Variants in TMEM108 observed in about 807,000 individuals in gnomAD.
TMEM108 encodes cancer/testis antigen 124.
A neutral mutation model predicts 35.1 loss-of-function variants in TMEM108; 12 were observed. The observed-to-expected ratio is 0.34, with a 90% CI of 0.22 to 0.55. The LOEUF (loss-of-function observed/expected upper bound fraction) is 0.55. Among genes scored for constraint, TMEM108 ranks in the 20% least tolerant of loss-of-function variants. The pLI, the probability that TMEM108 is intolerant of heterozygous loss-of-function variation, is 0.89. For missense variants in TMEM108, 680 were observed against 753.3 expected, an observed-to-expected ratio of 0.90 and a Z score of 1.14; for synonymous variants, 287 against 308.6, an observed-to-expected ratio of 0.93 and a Z score of 0.73.
At chr3:133,049,327 C>G (rs952927989) in intron 2 of TMEM108, among the ~76,000 whole-genome samples, 3 of 152,122 alleles carry the variant, frequency 2.0e-5, no homozygotes, top group East Asian at 1.9e-4. Context: ...CTTCATTGCA[C>G]TAGCCACATT....
At chr3:133,269,848 G>A (rs894836035) in intron 3 of TMEM108, among the ~76,000 whole-genome samples, 4 of 152,060 alleles carry the variant, frequency 2.6e-5, no homozygotes, top group African/African-American at 9.7e-5. Flanking sequence ...GAATATGTAG[G>A]GAAGTTTGCA....
chr3:133,295,953 A>G (rs917858702), intron 3 of TMEM108, among the ~76,000 whole-genome samples: 1 of 152,222 alleles, frequency 6.6e-6, no homozygotes, highest in Non-Finnish European at 1.5e-5. Flanking sequence ...CTATTGGGGA[A>G]CAACCTCTCT....
At chr3:133,298,699 G>A (rs189895886) in intron 3 of TMEM108, among the ~76,000 whole-genome samples, 48 of 152,232 alleles carry the variant, frequency 3.2e-4, no homozygotes, top group African/African-American at 8.0e-4. Context: ...TGTTACAGGT[G>A]AGGAAACCAA....
rs144554568 is a variant in TMEM108, at chr3:133,215,615, T to C, written c.-46-13651T>C. ...TTGCCTGTTATAAGTTGAAGAGTTT[T>C]TGTTTTTTTCATTTTTACTTTTGCT... is the stretch of plus-strand genomic sequence containing the variant. On this transcript the variant is annotated intron_variant, in intron 2 of 5. Coordinates refer to ENST00000321871, the MANE Select transcript of TMEM108 (RefSeq NM_023943.4). 6.4e-4 allele frequency among the ~76,000 whole-genome samples: 97 copies of C among 152,240 alleles called. 2 individuals are homozygous for C. The East Asian group carries it at 0.018, about 28-fold the overall frequency.
intron 2 of TMEM108, among the ~76,000 whole-genome samples, chr3:133,128,492 G>C (rs917750449): frequency 6.6e-6 from 1 of 152,144 alleles, no homozygotes. Flanking sequence ...CTAAGGCTTC[G>C]TGGAAAGAGG....
chr3:133,373,433 GATAGATAGATA>G (rs2072742244), intron 3 of TMEM108, among the ~76,000 whole-genome samples: 1 of 139,318 alleles, frequency 7.2e-6, no homozygotes, highest in Non-Finnish European at 1.6e-5. Flanking sequence ...TAGATAGATA[GATAGATAGATA>G]CAGTATGAGT....
chr3:133,344,300 G>A (rs1405971775), intron 3 of TMEM108, among the ~76,000 whole-genome samples: 1 of 151,700 alleles, frequency 6.6e-6, no homozygotes, highest in African/African-American at 2.4e-5. Context: ...TTAGATATTA[G>A]AAAAAGTTAA....
chr3:133,390,919 C>T (rs1374882879), intron 5 of TMEM108, among the ~76,000 whole-genome samples: 1 of 152,184 alleles, frequency 6.6e-6, no homozygotes, highest in Non-Finnish European at 1.5e-5. Context: ...ACACTGTCAG[C>T]ATATTTGCCC....
At chr3:133,359,139 G>A (rs79725813) in intron 3 of TMEM108, among the ~76,000 whole-genome samples, 228 of 152,310 alleles carry the variant, frequency 1.5e-3, no homozygotes, top group African/African-American at 5.1e-3. Flanking sequence ...ATCATTTACA[G>A]AAAGTAAAGT....
intron 2 of TMEM108, among the ~76,000 whole-genome samples, chr3:133,200,290 A>G (rs988838405): frequency 6.6e-6 from 1 of 152,158 alleles, no homozygotes; most frequent in South Asian, 2.1e-4. Context: ...CCACCGTCCA[A>G]CAAGCCCCAG....
chr3:133,269,071 C>T lies in TMEM108; in HGVS notation c.40+39720C>T, dbSNP rs184356635. Among the ~76,000 whole-genome samples, 44 of 152,282 alleles carry T rather than the reference C, an allele frequency of 2.9e-4. 1 individual carries two copies. Among genetic ancestry groups the T allele is most frequent in the African/African-American group, 9.6e-4 (40 of 41,544 alleles). ...ATCTTGTGATGTTCTCCTGGTCTGCCGGCTGGCAAGTGCCATCTGCCAACA... is the reference window on the plus strand; with the variant it reads ...ATCTTGTGATGTTCTCCTGGTCTGCTGGCTGGCAAGTGCCATCTGCCAACA... On this transcript the variant is annotated intron_variant, in intron 3 of 5. Transcript: ENST00000321871.
At chr3:133,289,562 C>G (rs1947033168) in intron 3 of TMEM108, among the ~76,000 whole-genome samples, 1 of 152,154 alleles carries the variant, frequency 6.6e-6, no homozygotes, top group Non-Finnish European at 1.5e-5. Flanking sequence ...CAGCACTTGT[C>G]ATTGAGGGCA....
At chr3:133,388,387 A>G in intron 4 of TMEM108, 1 of 985,426 alleles carries the variant, frequency 1.0e-6, no homozygotes, top group Non-Finnish European at 1.2e-6. Context: ...CCTCTAGAAT[A>G]AGGAGGCGGC....
chr3:133,304,860 T>C (rs1357200352), intron 3 of TMEM108, among the ~76,000 whole-genome samples: 4 of 152,094 alleles, frequency 2.6e-5, no homozygotes, highest in Non-Finnish European at 4.4e-5. Flanking sequence ...GGCAGGCAGA[T>C]AATTTGAGGC....
chr3:133,179,301 A>G (rs1423999115), intron 2 of TMEM108, among the ~76,000 whole-genome samples: 1 of 152,232 alleles, frequency 6.6e-6, no homozygotes, highest in Non-Finnish European at 1.5e-5. Flanking sequence ...CCATCCCATT[A>G]CTGGGTATAT....
At chr3:133,143,835 C>T (rs1385247432) in intron 2 of TMEM108, among the ~76,000 whole-genome samples, 1 of 152,180 alleles carries the variant, frequency 6.6e-6, no homozygotes, top group Non-Finnish European at 1.5e-5. Context: ...TCTGCCTTCA[C>T]TCATTCTACT....
intron 3 of TMEM108, among the ~76,000 whole-genome samples, chr3:133,366,269 C>T (rs2107803784): frequency 6.6e-6 from 1 of 152,332 alleles, no homozygotes; most frequent in East Asian, 1.9e-4. Context: ...TACCAGTATG[C>T]ATCTTATTGC....
chr3:133,187,112 G>T (rs946453124), intron 2 of TMEM108, among the ~76,000 whole-genome samples: 3 of 152,174 alleles, frequency 2.0e-5, no homozygotes, highest in African/African-American at 7.2e-5. Flanking sequence ...ACATGCTTAT[G>T]TGTGTCCTCC....
intron 3 of TMEM108, among the ~76,000 whole-genome samples, chr3:133,334,112 C>T (rs2071444058): frequency 6.6e-6 from 1 of 151,816 alleles, no homozygotes; most frequent in Non-Finnish European, 1.5e-5. Context: ...ATAGCTCCTC[C>T]TGGGGAAAAA....
Sources: allele counts gnomAD v4.1 joint callset (sites outside exome capture counted in the v4.1 genomes callset), GRCh38; gene constraint gnomAD v4.1.1; transcripts MANE v1.5; gene names NCBI Gene and HGNC (gene_info 2026-07-23, HGNC 2026-07-21).